The following TOM1 variants were observed in gnomAD, a reference collection of about 807,000 sequenced individuals.
TOM1 encodes the protein target of myb1 membrane trafficking protein.
TOM1 carries 38 observed loss-of-function variants against 61.3 expected under a neutral mutation model. The ratio of observed to expected loss-of-function variants is 0.62; its 90% CI spans 0.48 to 0.81. The LOEUF (loss-of-function observed/expected upper bound fraction) is 0.81, where lower values mean the gene tolerates loss of function less well. TOM1 is among the 40% of genes least tolerant of loss of function. The probability of loss-of-function intolerance (pLI) is 0.00; values close to 1 mark genes in which losing one functional copy is unlikely to be tolerated. For missense variants in TOM1, 591 were observed against 659.6 expected, an observed-to-expected ratio of 0.90 and a Z score of 1.14; for synonymous variants, 270 against 268.8, an observed-to-expected ratio of 1.00 and a Z score of -0.04.
chr22:35,340,089 G>A (rs992941138), intron 12 of TOM1, among the ~76,000 whole-genome samples: 7 of 152,244 alleles, frequency 4.6e-5, no homozygotes, highest in African/African-American at 1.2e-4. Context: ...GCATGTCAAC[G>A]TGTATCTGGA....
At chr22:35,299,591 ACGACCCAGT>A (rs1224637554), upstream of TOM1, 5 of 334,754 alleles carry the variant, frequency 1.5e-5, no homozygotes, top group African/African-American at 1.1e-4. Context: ...TCCCTGGTCT[ACGACCCAGT>A]TTCCCAAATG....
chr22:35,323,855 C>T lies in TOM1; in HGVS notation c.589C>T (p.Pro197Ser), dbSNP rs1263709440. The T allele has an allele frequency of 1.9e-6, 3 of 1,611,612 alleles. No homozygotes were observed. Among genetic ancestry groups the T allele is most frequent in the Admixed American group, 3.3e-5 (2 of 59,730 alleles). ...QQEDSGQHAA[P>S]LPAPPILSGD... Reference sequence around the variant, plus strand: ...AGAGGACTCTGGCCAGCATGCTGCCCCTCTGCCCGCCCCGCCCATACTCTC... The same window carrying T: ...AGAGGACTCTGGCCAGCATGCTGCCTCTCTGCCCGCCCCGCCCATACTCTC... The change falls in exon 6 of 15, where the codon CCT (proline) becomes TCT (serine). Residue 197 changes from proline to serine, a missense_variant. By Grantham distance (74) the Pro-to-Ser change is moderately conservative (BLOSUM62 -1). Coordinates refer to ENST00000449058, the MANE Select transcript of TOM1 (RefSeq NM_005488.3). The surrounding 1 kb of genome is among the most constrained non-coding windows in gnomAD (Gnocchi z 4.2).
At chr22:35,330,627 A>G in intron 8 of TOM1, 147 bp downstream of exon 8, 1 of 804,322 alleles carries the variant, frequency 1.2e-6, no homozygotes, top group Non-Finnish European at 1.9e-6. Context: ...CTGTGCCCTC[A>G]GCTGTCTTCT....
chr22:35,319,405 G>C (rs1297161738), intron 2 of TOM1, among the ~76,000 whole-genome samples: 1 of 152,216 alleles, frequency 6.6e-6, no homozygotes, highest in Non-Finnish European at 1.5e-5. Flanking sequence ...CCTAAACTTA[G>C]CCTCGTTGCT....
intron 1 of TOM1, among the ~76,000 whole-genome samples, chr22:35,300,904 AAC>A (rs369494560): frequency 5.9e-4 from 65 of 111,042 alleles, no homozygotes; most frequent in African/African-American, 1.3e-3. Context: ...TATAAAAAAA[AAC>A]AGTTGTAATA....
chr22:35,300,085 G>T, intron 1 of TOM1, 105 bp downstream of exon 1: 1 of 1,265,788 alleles, frequency 7.9e-7, no homozygotes. Flanking sequence ...GGAGGGCAAG[G>T]AGGCTGGCGT....
intron 11 of TOM1, 98 bp downstream of exon 11, chr22:35,334,546 C>T (rs967601454): frequency 5.4e-5 from 78 of 1,453,072 alleles, no homozygotes; most frequent in Non-Finnish European, 6.0e-5. Context: ...GAAGGGCACA[C>T]GGACCCTGCT....
Position 35,321,974 on chromosome 22 carries a change from C to T in TOM1, c.153C>T (p.Leu51=). The T allele has an allele frequency of 6.2e-7, 1 of 1,614,190 alleles. No homozygotes were observed. The stretch of plus-strand genomic sequence containing the variant: ...TCCTCCTTAGTCCCAAAGATGCCCT[C>T]CGAGCAGTAAAGAAGAGAATCGTGG... The part of the protein sequence containing the change: ...NETEEGPKDA[L]RAVKKRIVGN... The change falls in exon 3 of 15, where the codon CTC becomes CTT. Residue 51 remains leucine, a synonymous_variant. Transcript: ENST00000449058.
At position 35,343,510 on chromosome 22, in the gene TOM1, CAT is replaced by C. The variant is rs546494305; in HGVS notation, c.1225-2213_1225-2212del. 1.9e-3 allele frequency among the ~76,000 whole-genome samples: 276 copies of C among 146,438 alleles called. 2 individuals are homozygous for C. Among genetic ancestry groups the C allele is most frequent in the South Asian group, 0.011 (47 of 4,416 alleles). ...CCTACACACATCACACCTACACACTCATACACCTACACACACCACACACACAT... is the reference window on the plus strand; with the variant it reads ...CCTACACACATCACACCTACACACTCACACCTACACACACCACACACACAT... On this transcript the variant is annotated intron_variant, in intron 12 of 14. Transcript: ENST00000449058.
At chr22:35,319,705 T>C (rs550348891) in intron 2 of TOM1, among the ~76,000 whole-genome samples, 1 of 152,298 alleles carries the variant, frequency 6.6e-6, no homozygotes, top group African/African-American at 2.4e-5. Flanking sequence ...GAAGTCACTA[T>C]AAAGCGCTGA....
chr22:35,311,930 G>T (rs986926934), intron 1 of TOM1, among the ~76,000 whole-genome samples: 4 of 152,186 alleles, frequency 2.6e-5, no homozygotes, highest in Admixed American at 2.0e-4. Flanking sequence ...AGGCACCACT[G>T]AGGAGCCAAC....
intron 11 of TOM1, 60 bp downstream of exon 11, chr22:35,334,508 A>G (rs1350533906): frequency 6.2e-7 from 1 of 1,601,480 alleles, no homozygotes; most frequent in Non-Finnish European, 8.5e-7. Context: ...GGGTTCTGGA[A>G]CCCGGTTTTA....
At chr22:35,345,669 C>T in intron 12 of TOM1, 56 bp from the exon 13 acceptor site, 1 of 1,576,130 alleles carries the variant, frequency 6.3e-7, no homozygotes, top group Non-Finnish European at 8.7e-7. Flanking sequence ...GCTGAGCTGG[C>T]ACGTCTTCCA....
intron 1 of TOM1, among the ~76,000 whole-genome samples, chr22:35,304,805 C>T (rs1439497955): frequency 6.6e-6 from 1 of 152,228 alleles, no homozygotes; most frequent in Non-Finnish European, 1.5e-5. Context: ...AGACAGATAT[C>T]AAGAAACCCA....
intron 2 of TOM1, among the ~76,000 whole-genome samples, chr22:35,319,086 A>C (rs750921746): frequency 6.6e-6 from 1 of 152,182 alleles, no homozygotes; most frequent in African/African-American, 2.4e-5. Flanking sequence ...CCAAGGACTC[A>C]TGAGAGTGAG....
chr22:35,329,900 G>A (rs976797522), intron 7 of TOM1, among the ~76,000 whole-genome samples: 9 of 152,204 alleles, frequency 5.9e-5, no homozygotes, highest in Non-Finnish European at 1.0e-4. Flanking sequence ...AACCCAAAAA[G>A]CTGTTCCGTG....
intron 7 of TOM1, 142 bp from the exon 8 acceptor site, chr22:35,330,205 A>T (rs1247783403): frequency 1.4e-5 from 11 of 795,854 alleles, no homozygotes; most frequent in Non-Finnish European, 2.0e-5. Context: ...AATGGCATGA[A>T]CCCAGGACAC....
At chr22:35,317,487 T>A (rs1324491959) in intron 1 of TOM1, among the ~76,000 whole-genome samples, 2 of 152,100 alleles carry the variant, frequency 1.3e-5, no homozygotes, top group African/African-American at 4.8e-5. Context: ...CGCGCCCAGC[T>A]CAAAAGATAA....
rs980414725 is a variant in TOM1, at chr22:35,305,338, A to G, written c.52+5358A>G. 4.6e-5 allele frequency among the ~76,000 whole-genome samples: 7 copies of G among 152,334 alleles called. No homozygotes were observed. In the South Asian group the frequency reaches 1.0e-3, roughly 23 times the overall value. On this transcript the variant is annotated intron_variant, in intron 1 of 14. Coordinates refer to ENST00000449058, the MANE Select transcript of TOM1 (RefSeq NM_005488.3). ...AACGACAGAGGTCATATATAGGGAC[A>G]GGGAAGGGTTGATGCCAGAGGGAAG...
Sources: gnomAD v4.1 joint callset for allele counts (sites outside exome capture counted in the v4.1 genomes callset) on GRCh38, gnomAD v4.1.1 for gene constraint, Gnocchi (gnomAD v3.1) non-coding constraint, MANE v1.5 for transcripts, NCBI Gene and HGNC (gene_info 2026-07-23, HGNC 2026-07-21) for gene names.